Variants in NOP56 observed in about 807,000 individuals in gnomAD.
NOP56 encodes the protein NOP56 ribonucleoprotein.
NOP56 carries 31 observed loss-of-function variants against 58.3 expected under a neutral mutation model. The observed-to-expected ratio is 0.53, with a 90% confidence interval of 0.40 to 0.72. NOP56 has a LOEUF of 0.72. Among genes scored for constraint, NOP56 ranks in the 30% least tolerant of loss-of-function variants. The probability of loss-of-function intolerance (pLI) is 0.00; values close to 1 mark genes in which losing one functional copy is unlikely to be tolerated. For missense variants in NOP56, 669 were observed against 739.9 expected (o/e 0.90, Z 1.11); for synonymous variants, 313 against 282.8 (o/e 1.11, Z -1.07).
intron 11 of NOP56, chr20:2,657,669 G>C (rs1482577399): frequency 1.9e-6 from 1 of 520,554 alleles, no homozygotes; most frequent in East Asian, 3.2e-5. Context: ...AACTTGGCAT[G>C]ATGGTTCTGT....
At chr20:2,652,817 G>T in intron 1 of NOP56, 25 bp from the exon 2 acceptor site, 2 of 1,603,226 alleles carry the variant, frequency 1.2e-6, no homozygotes, top group South Asian at 1.1e-5. Context: ...TTGCGTTGAC[G>T]CTCGCGCCCC....
At position 2,656,858 on chromosome 20, in the gene NOP56, G is replaced by A. The variant is rs138219120; in HGVS notation, c.1244G>A (p.Arg415Gln). 2.2e-5 allele frequency: 35 copies of A among 1,614,054 alleles called. No individual in the cohort carries two copies. The highest frequency in any genetic ancestry group is 3.3e-5 in the South Asian group (3 of 91,082). Residue 415 changes from arginine to glutamine, a missense_variant, in exon 10 of 12, where the codon CGA (arginine) becomes CAA (glutamine). By Grantham distance (43) the Arg-to-Gln change is conservative. Transcript: ENST00000329276. ...LSFYETGEIP[R>Q]KNLDVMKEAM... ...TTCTATGAGACTGGAGAGATACCAC[G>A]AAAGAATCTGGATGTCATGAAGGAA...
At chr20:2,652,962 C>G in intron 2 of NOP56, 31 bp downstream of exon 2, 6 of 1,537,084 alleles carry the variant, frequency 3.9e-6, no homozygotes, top group Non-Finnish European at 5.3e-6. Context: ...CCTTTGGCGG[C>G]CCCGCAGACC....
chr20:2,653,571 G>T, intron 3 of NOP56, 178 bp downstream of exon 3: 1 of 613,162 alleles, frequency 1.6e-6, no homozygotes, highest in Non-Finnish European at 2.9e-6. Flanking sequence ...TCAAGGTCTG[G>T]GAACTGTGCT....
intron 3 of NOP56, 68 bp from the exon 4 acceptor site, chr20:2,654,346 T>G: frequency 1.3e-6 from 2 of 1,570,964 alleles, no homozygotes; most frequent in South Asian, 2.2e-5. Flanking sequence ...ACCAGGGTAG[T>G]CAGCTGAGGG....
Position 2,653,682 on chromosome 20 carries a change from G to C in NOP56, c.208+289G>C, listed in dbSNP as rs141618541. 44 of 303,642 alleles carry C rather than the reference G, an allele frequency of 1.4e-4. No individual in the cohort carries two copies. In the East Asian group the frequency reaches 3.3e-3, roughly 23 times the overall value. The allele number at this position is 303,642 out of a possible 1,614,324, so 18.8% of individuals were successfully genotyped here. ...TTTTATTTTTATTTTTTTTGAGATG[G>C]AGTCTGTCCCCCAGGCTGGAGTGCA... On this transcript the variant is annotated intron_variant, in intron 3 of 11. Transcript: ENST00000329276.
chr20:2,652,674 G>T lies in NOP56; in HGVS notation c.3+11G>T, dbSNP rs750243719. The T allele has an allele frequency of 4.1e-6, 6 of 1,456,130 alleles. No individual in the cohort carries two copies. The African/African-American group carries it at 9.4e-5, about 23-fold the overall frequency. The allele number at this position is 1,456,130 out of a possible 1,614,324, so 90.2% of individuals were successfully genotyped here. A position where few individuals can be genotyped will look rare whatever the true frequency, so the allele number is the denominator to read the frequency against. On this transcript the variant is annotated intron_variant, in intron 1 of 11. Transcript: ENST00000329276. ...GGAGCTGGCGCCATGGTGAGGAGTGGTTGCGGGGCGCGGGCGACGCGACGG... is the reference window on the plus strand; with the variant it reads ...GGAGCTGGCGCCATGGTGAGGAGTGTTTGCGGGGCGCGGGCGACGCGACGG...
rs751754683 is a variant in NOP56, at chr20:2,655,706, G to C, written c.869G>C (p.Ser290Thr). ...SLHTYLRSKM[S>T]QVAPSLSALI... is the part of the protein sequence containing the mutation. Reference sequence around the variant, plus strand: ...CACACTTACCTGCGCTCCAAGATGAGCCAAGTAGCCCCCAGCCTGTCAGCC... The same window carrying C: ...CACACTTACCTGCGCTCCAAGATGACCCAAGTAGCCCCCAGCCTGTCAGCC... The change falls in exon 7 of 12, where the codon AGC (serine) becomes ACC (threonine). Residue 290 changes from serine to threonine, a missense_variant. Physicochemically the swap from Ser to Thr is moderately conservative, Grantham distance 58. Around this residue, in one of 3 missense-constraint regions of NOP56, gnomAD observed 339 missense variants for 430.5 expected, o/e 0.79. Transcript: ENST00000329276. 5.0e-6 allele frequency: 8 copies of C among 1,614,156 alleles called. No homozygotes were observed. The highest frequency in any genetic ancestry group is 6.8e-6 in the Non-Finnish European group (8 of 1,180,020).
At chr20:2,657,534 G>C in intron 11 of NOP56, 3 of 560,214 alleles carry the variant, frequency 5.4e-6, no homozygotes, top group Admixed American at 2.8e-5. Flanking sequence ...TGTGTCCGGA[G>C]GTGGTCGTGT....
Position 2,656,913 on chromosome 20 carries a change from G to A in NOP56, c.1281+18G>A. On this transcript the variant is annotated intron_variant, in intron 10 of 11. Transcript: ENST00000329276. Reference sequence around the variant, plus strand: ...TGGTTCAGGTCAGTTGGGCTTTGCTGGGTGTGGAGTGGCATAGCTAGCTGT... The same window carrying A: ...TGGTTCAGGTCAGTTGGGCTTTGCTAGGTGTGGAGTGGCATAGCTAGCTGT... 3 of 1,614,094 alleles carry A rather than the reference G, an allele frequency of 1.9e-6. No individual in the cohort carries two copies. The highest frequency in any genetic ancestry group is 1.1e-5 in the South Asian group (1 of 91,052).
Position 2,652,636 on chromosome 20 carries a change from C to G in NOP56, c.-25C>G. On this transcript the variant is annotated 5_prime_UTR_variant, in exon 1 of 12. Coordinates refer to ENST00000329276, the MANE Select transcript of NOP56 (RefSeq NM_006392.4). ...GCGCCGGAGCGCGCTAGCCGCATTGCGAGCCGAACCCGGGAGCTGGCGCCA... is the reference window on the plus strand; with the variant it reads ...GCGCCGGAGCGCGCTAGCCGCATTGGGAGCCGAACCCGGGAGCTGGCGCCA... 7.1e-7 allele frequency: 1 copy of G among 1,405,274 alleles called. No homozygotes were observed. Among genetic ancestry groups the G allele is most frequent in the East Asian group, 3.0e-5 (1 of 33,668 alleles). The allele number at this position is 1,405,274 out of a possible 1,614,324, so 87.1% of individuals were successfully genotyped here.
chr20:2,654,355 G>T lies in NOP56; in HGVS notation c.209-59G>T, dbSNP rs965796911. 2.4e-5 allele frequency: 39 copies of T among 1,595,418 alleles called. No individual in the cohort carries two copies. In the African/African-American group the frequency reaches 5.1e-4, roughly 21 times the overall value. ...GGTGGGACCAGGGTAGTCAGCTGAG[G>T]GATGTTAGAGTTGATCGTCCTTCAG... On this transcript the variant is annotated intron_variant, in intron 3 of 11. Coordinates refer to ENST00000329276, the MANE Select transcript of NOP56 (RefSeq NM_006392.4).
At position 2,658,377 on chromosome 20, in the gene NOP56, A is replaced by G. The variant is rs2086859339; in HGVS notation, c.*83A>G. ...CCACCCTGTGCCGTGTTCCCCAATA[A>G]AAACAAATTCACAAGAGTTGGTTCA... On this transcript the variant is annotated 3_prime_UTR_variant, in exon 12 of 12. Coordinates refer to ENST00000329276, the MANE Select transcript of NOP56 (RefSeq NM_006392.4). 2.5e-6 allele frequency: 4 copies of G among 1,610,084 alleles called. No homozygotes were observed. In the Admixed American group the frequency reaches 6.7e-5, roughly 27 times the overall value.
At position 2,655,495 on chromosome 20, in the gene NOP56, C is replaced by T; in HGVS notation, c.740C>T (p.Ala247Val). ...DGAKAKAILDASRSSMGMDIS... is the reference protein window; with the variant it reads ...DGAKAKAILDVSRSSMGMDIS... ...GCCAAGGCTAAGGCTATTCTGGATGCCTCACGGTCCTCCATGGGTCAGTGC... is the reference window on the plus strand; with the variant it reads ...GCCAAGGCTAAGGCTATTCTGGATGTCTCACGGTCCTCCATGGGTCAGTGC... Residue 247 changes from alanine to valine, a missense_variant, in exon 6 of 12, where the codon GCC (alanine) becomes GTC (valine). Physicochemically the swap from Ala to Val is moderately conservative, Grantham distance 64. Around this residue, in one of 3 missense-constraint regions of NOP56, gnomAD observed 339 missense variants for 430.5 expected, o/e 0.79. Coordinates refer to ENST00000329276, the MANE Select transcript of NOP56 (RefSeq NM_006392.4). The T allele has an allele frequency of 6.2e-7, 1 of 1,614,200 alleles. No individual in the cohort carries two copies. Among genetic ancestry groups the T allele is most frequent in the South Asian group, 1.1e-5 (1 of 91,086 alleles).
At position 2,655,635 on chromosome 20, in the gene NOP56, C is replaced by T; in HGVS notation, c.798C>T (p.Ser266=). The change falls in exon 7 of 12, where the codon AGC becomes AGT. Residue 266 remains serine, a synonymous_variant. Transcript: ENST00000329276. The part of the protein sequence containing the change: ...ISAIDLINIE[S]FSSRVVSLSE... ...CCATTGACTTGATAAACATCGAGAG[C>T]TTCTCCAGTCGTGTGGTGTCTTTAT... 1 of 1,614,176 alleles carries T rather than the reference C, an allele frequency of 6.2e-7. No individual in the cohort carries two copies. Among genetic ancestry groups the T allele is most frequent in the Non-Finnish European group, 8.5e-7 (1 of 1,180,030 alleles).
chr20:2,657,076 A>C lies in NOP56; in HGVS notation c.1282-5A>C. ...CAGGCCCTTTTAGCACTTTTCTTTG[A>C]CCAGGCAGAGGAAGCGGCTGCTGAG... On this transcript the variant is annotated splice_polypyrimidine_tract_variant and splice_region_variant and intron_variant, in intron 10 of 11. Coordinates refer to ENST00000329276, the MANE Select transcript of NOP56 (RefSeq NM_006392.4). The C allele has an allele frequency of 1.9e-6, 3 of 1,614,070 alleles. No individual in the cohort carries two copies. The highest frequency in any genetic ancestry group is 1.6e-4 in the Middle Eastern group (1 of 6,062).
At position 2,658,254 on chromosome 20, in the gene NOP56, A is replaced by G. The variant is rs769313738; in HGVS notation, c.1745A>G (p.Lys582Arg). 3.4e-5 allele frequency: 55 copies of G among 1,596,280 alleles called. 1 individual carries two copies. The Middle Eastern group carries it at 1.3e-3, about 37-fold the overall frequency. ...GAGGCGGTTGGCAAGAGCAGCTCCA[A>G]GAAGAAGAAAAAGTTCCATAAAGCA... ...PEEAVGKSSS[K>R]KKKKFHKASQ... Residue 582 changes from lysine to arginine, a missense_variant, in exon 12 of 12, where the codon AAG becomes AGG. Lys to Arg is a conservative substitution (Grantham distance 26). Transcript: ENST00000329276.
chr20:2,652,685 C>T (rs912216047), intron 1 of NOP56, 22 bp downstream of exon 1: 1 of 692,472 alleles, frequency 1.4e-6, no homozygotes, highest in African/African-American at 2.9e-5. Context: ...TTGCGGGGCG[C>T]GGGCGACGCG....
intron 4 of NOP56, 54 bp downstream of exon 4, chr20:2,654,629 GT>G: frequency 3.7e-6 from 6 of 1,608,816 alleles, no homozygotes; most frequent in Non-Finnish European, 4.3e-6. Context: ...GGGGGAGGAG[GT>G]TCTGGAAACT....
Sources: allele counts gnomAD v4.1 joint callset, GRCh38; gene constraint gnomAD v4.1.1; regional missense constraint gnomAD v4.1.1; transcripts MANE v1.5; gene names NCBI Gene and HGNC (gene_info 2026-07-23, HGNC 2026-07-21).